Variants in LAMB4 observed in about 807,000 individuals in gnomAD.
LAMB4 encodes laminin subunit beta-4.
Under a neutral mutation model 199.2 loss-of-function variants are expected in LAMB4, and 196 were observed. The ratio of observed to expected loss-of-function variants is 0.98; its 90% confidence interval spans 0.88 to 1.11. The LOEUF (loss-of-function observed/expected upper bound fraction) is 1.11. Among genes scored for constraint, LAMB4 ranks in the 50% least tolerant of loss-of-function variants. LAMB4 has a pLI of 0.00. For missense variants in LAMB4, 2,080 were observed against 2,171.2 expected (o/e 0.96, Z 0.83); for synonymous variants, 744 against 770.6 (o/e 0.97, Z 0.57).
At chr7:108,056,464 A>C (rs1198838864) in intron 24 of LAMB4, among the ~76,000 whole-genome samples, 1 of 152,202 alleles carries the variant, frequency 6.6e-6, no homozygotes, top group Non-Finnish European at 1.5e-5. Context: ...TAAGGAAAAC[A>C]ATTTCATTTT....
intron 23 of LAMB4, among the ~76,000 whole-genome samples, chr7:108,060,924 A>G (rs2036138404): frequency 6.6e-6 from 1 of 152,210 alleles, no homozygotes; most frequent in African/African-American, 2.4e-5. Flanking sequence ...ACAGTAGAAG[A>G]AGGAGGAAAA....
In LAMB4 at chr7:108,109,178, G is replaced by C. The variant is rs544811197; in HGVS notation, c.395C>G (p.Thr132Ser). The change falls in exon 5 of 34, where the codon ACC (threonine) becomes AGC (serine). Residue 132 changes from threonine (T) to serine (S), a missense_variant. By Grantham distance (58) the Thr-to-Ser change is moderately conservative. Coordinates refer to ENST00000388781, the MANE Select transcript of LAMB4 (RefSeq NM_007356.3). ...AGGCCTATTAGTCTGTACCTTAAAG[G>C]TCAGGATAAGGTGGCTGAACCGAAA... ...ALFRFSHLIL[T>S]FKTFRPAAML... 1.2e-6 allele frequency: 2 copies of C among 1,608,320 alleles called. No homozygotes were observed. The highest frequency in any genetic ancestry group is 1.7e-6 in the Non-Finnish European group (2 of 1,174,912).
At chr7:108,099,297 T>C (rs2037737486) in intron 10 of LAMB4, among the ~76,000 whole-genome samples, 1 of 152,214 alleles carries the variant, frequency 6.6e-6, no homozygotes, top group Admixed American at 6.5e-5. Flanking sequence ...GCCACAATGG[T>C]AGCAACCTTT....
chr7:108,027,249 A>G (rs1475762239), intron 33 of LAMB4, among the ~76,000 whole-genome samples: 2 of 152,200 alleles, frequency 1.3e-5, no homozygotes, highest in African/African-American at 4.8e-5. Flanking sequence ...AAGATTAAAA[A>G]AAAAATCTGT....
chr7:108,060,618 T>C (rs571113363), intron 23 of LAMB4, among the ~76,000 whole-genome samples: 3 of 152,356 alleles, frequency 2.0e-5, no homozygotes, highest in African/African-American at 4.8e-5. Flanking sequence ...AACTCTACAG[T>C]ATTGGCCTAT....
intron 28 of LAMB4, chr7:108,044,121 C>T (rs2150511699): frequency 2.4e-6 from 1 of 408,232 alleles, no homozygotes; most frequent in South Asian, 4.2e-5. Context: ...TCTTTTAGAA[C>T]ATTACTGACT....
chr7:108,062,789 A>G lies in LAMB4; in HGVS notation c.3267T>C (p.Ser1089=). The G allele has an allele frequency of 7.0e-7, 1 of 1,437,498 alleles. No individual in the cohort carries two copies. The allele number at this position is 1,437,498 out of a possible 1,614,324, so 89.0% of individuals were successfully genotyped here. A position where few individuals can be genotyped will look rare whatever the true frequency, so the allele number is the denominator to read the frequency against. The change falls in exon 23 of 34, where the codon AGT becomes AGC. Residue 1089 remains serine, a synonymous_variant. Transcript: ENST00000388781. ...AGTATCTTGCCTGGTCACAGTGGCT[A>G]CTTTGAGAGGTCCTAGGGTCACAGT... The part of the protein sequence containing the change: ...SCDCDPRTSQ[S]SHCDQLTGQC...
At position 108,098,425 on chromosome 7, in the gene LAMB4, G is replaced by A. The variant is rs1276118927; in HGVS notation, c.1338C>T (p.Ala446=). Residue 446 remains alanine (A), a synonymous_variant, in exon 11 of 34, where the codon GCC becomes GCT. Coordinates refer to ENST00000388781, the MANE Select transcript of LAMB4 (RefSeq NM_007356.3). ...TACGCTGGCAGCCCAGGGGGTCGGT[G>A]GCGCTTAGTCCGTAGTGGTTGGGTT... ...QCKPNHYGLS[A]TDPLGCQPCD... is the part of the protein sequence containing the mutation. 2.6e-6 allele frequency: 4 copies of A among 1,528,248 alleles called. No homozygotes were observed. The South Asian group carries it at 4.5e-5, about 17-fold the overall frequency. The allele number at this position is 1,528,248 out of a possible 1,614,324, so 94.7% of individuals were successfully genotyped here.
downstream of LAMB4, among the ~76,000 whole-genome samples, chr7:108,019,229 T>C (rs118064747): frequency 2.2e-3 from 332 of 152,258 alleles, 15 homozygotes; most frequent in East Asian, 0.055. Flanking sequence ...TCTCTTTCCT[T>C]GCTTTTTCCA....
At chr7:108,062,608 G>A in intron 23 of LAMB4, 166 bp downstream of exon 23, 1 of 409,968 alleles carries the variant, frequency 2.4e-6, no homozygotes, top group East Asian at 3.6e-5. Context: ...TCTTTTTTTG[G>A]TTTTCATTCC....
chr7:108,109,146 G>A, intron 5 of LAMB4, 25 bp downstream of exon 5: 2 of 1,533,714 alleles, frequency 1.3e-6, no homozygotes, highest in African/African-American at 1.4e-5. Context: ...GATAAAAGAG[G>A]GGCAGCAGGC....
Position 108,078,277 on chromosome 7 carries a change from G to C in LAMB4, c.1927C>G (p.Pro643Ala). Residue 643 changes from proline (P) to alanine (A), a missense_variant, in exon 16 of 34, where the codon CCT becomes GCT. Physicochemically the swap from Pro to Ala is conservative, Grantham distance 27. Coordinates refer to ENST00000388781, the MANE Select transcript of LAMB4 (RefSeq NM_007356.3). ...DWTVQIVVNP[P>A]GGSEHCIPKT... ...GGTATGCAGTGCTCACTCCCTCCAG[G>C]GGGGTTCACCACAATCTGGACAGTC... is the stretch of plus-strand genomic sequence containing the variant. The C allele has an allele frequency of 6.2e-7, 1 of 1,610,466 alleles. No homozygotes were observed. Among genetic ancestry groups the C allele is most frequent in the East Asian group, 2.2e-5 (1 of 44,802 alleles).
chr7:108,120,837 TTAACA>T (rs1301304065), intron 2 of LAMB4, among the ~76,000 whole-genome samples: 1 of 152,264 alleles, frequency 6.6e-6, no homozygotes, highest in Non-Finnish European at 1.5e-5. Flanking sequence ...CCTTAGAGAT[TTAACA>T]TGTTTTTATA....
intron 31 of LAMB4, among the ~76,000 whole-genome samples, chr7:108,032,733 A>G (rs2035085348): frequency 6.6e-6 from 1 of 151,194 alleles, no homozygotes; most frequent in East Asian, 1.9e-4. Flanking sequence ...TGTGTGACAG[A>G]GAGATTTTAA....
At chr7:108,033,014 C>G (rs945531861) in intron 31 of LAMB4, among the ~76,000 whole-genome samples, 1 of 152,116 alleles carries the variant, frequency 6.6e-6, no homozygotes, top group Non-Finnish European at 1.5e-5. Context: ...AATATCCAAT[C>G]TAATATTTTT....
chr7:108,119,329 A>G (rs1402457408), intron 2 of LAMB4, among the ~76,000 whole-genome samples: 3 of 152,186 alleles, frequency 2.0e-5, no homozygotes, highest in African/African-American at 7.2e-5. Context: ...AAAACCCTAT[A>G]CAAATGTCCA....
At chr7:108,120,730 C>T (rs1201762316) in intron 2 of LAMB4, among the ~76,000 whole-genome samples, 2 of 152,092 alleles carry the variant, frequency 1.3e-5, no homozygotes, top group South Asian at 2.1e-4. Context: ...ATAACATTTC[C>T]GTTGATGTTA....
intron 19 of LAMB4, among the ~76,000 whole-genome samples, chr7:108,066,813 G>A (rs1192390480): frequency 6.6e-6 from 1 of 152,020 alleles, no homozygotes; most frequent in Non-Finnish European, 1.5e-5. Flanking sequence ...GAACAATTGG[G>A]TTTAATTAAC....
Position 108,063,982 on chromosome 7 carries a change from G to A in LAMB4, c.2840C>T (p.Thr947Ile). ...ACCAGTAGAGCATTCTCCACACTGAGTACCTGAAAGAAAGTGGGAGGAAAA... is the reference window on the plus strand; with the variant it reads ...ACCAGTAGAGCATTCTCCACACTGAATACCTGAAAGAAAGTGGGAGGAAAA... ...ICNCLQGYTG[T>I]QCGECSTGFY... Residue 947 changes from threonine to isoleucine, a missense_variant, in exon 22 of 34, where the codon ACT (threonine) becomes ATT (isoleucine). Physicochemically the swap from Thr to Ile is moderately conservative, Grantham distance 89. Coordinates refer to ENST00000388781, the MANE Select transcript of LAMB4 (RefSeq NM_007356.3). 3.1e-6 allele frequency: 5 copies of A among 1,611,024 alleles called. No individual in the cohort carries two copies. The highest frequency in any genetic ancestry group is 2.2e-5 in the East Asian group (1 of 44,864).
Sources: allele counts gnomAD v4.1 joint callset (sites outside exome capture counted in the v4.1 genomes callset), GRCh38; gene constraint gnomAD v4.1.1; transcripts MANE v1.5; gene names NCBI Gene and HGNC (gene_info 2026-07-23, HGNC 2026-07-21).